The following NDUFS1 variants were observed in gnomAD, a reference collection of about 807,000 sequenced individuals.
The protein encoded by NDUFS1 is NADH:ubiquinone oxidoreductase core subunit S1.
NDUFS1 carries 61 observed loss-of-function variants against 84.4 expected under a neutral mutation model. The observed-to-expected ratio is 0.72, with a 90% CI of 0.59 to 0.89. NDUFS1 has a LOEUF of 0.89. NDUFS1 is among the 40% of genes least tolerant of loss of function. The probability of loss-of-function intolerance (pLI) is 0.00; values close to 1 mark genes in which losing one functional copy is unlikely to be tolerated. For synonymous variants in NDUFS1, 275 were observed against 290.0 expected (o/e 0.95, Z 0.53); for missense variants, 891 against 890.0 (o/e 1.00, Z -0.01).
At chr2:206,143,686 T>C (rs909858480) in intron 10 of NDUFS1, among the ~76,000 whole-genome samples, 7 of 152,078 alleles carry the variant, frequency 4.6e-5, no homozygotes, top group African/African-American at 1.4e-4. Flanking sequence ...CATCTTGATA[T>C]GCCTGTCCTA....
intron 3 of NDUFS1, among the ~76,000 whole-genome samples, chr2:206,151,721 T>C (rs748166754): frequency 5.3e-5 from 8 of 152,252 alleles, no homozygotes; most frequent in Non-Finnish European, 1.2e-4. Context: ...ACCCTCCATT[T>C]ACCTGCTTTG....
intron 13 of NDUFS1, among the ~76,000 whole-genome samples, chr2:206,137,861 A>G (rs1691780637): frequency 6.6e-6 from 1 of 152,218 alleles, no homozygotes; most frequent in Non-Finnish European, 1.5e-5. Flanking sequence ...TAAAAGTGCA[A>G]TTCTTTCAGG....
At chr2:206,138,435 T>A in intron 13 of NDUFS1, 50 bp downstream of exon 13, 1 of 1,578,060 alleles carries the variant, frequency 6.3e-7, no homozygotes, top group Non-Finnish European at 8.7e-7. Context: ...TAAGTTTAAA[T>A]AATAATAATT....
chr2:206,140,747 G>A (rs530994166), intron 12 of NDUFS1, among the ~76,000 whole-genome samples: 1 of 152,032 alleles, frequency 6.6e-6, no homozygotes, highest in Non-Finnish European at 1.5e-5. Context: ...CCAAAGTACT[G>A]GGACTACAAG....
chr2:206,116,241 G>A lies in NDUFS1; in HGVS notation c.*7944C>T, dbSNP rs1344243420. The A allele has an allele frequency of 4.2e-6, 5 of 1,195,648 alleles. No individual in the cohort carries two copies. Among genetic ancestry groups the A allele is most frequent in the Middle Eastern group, 2.0e-4 (1 of 5,116 alleles). The allele number at this position is 1,195,648 out of a possible 1,614,324, so 74.1% of individuals were successfully genotyped here. ...TAACGAGATTTGTTTACAAGTCCTG[G>A]ATTTTCTGCAAGAGCTTCATTAATT... On this transcript the variant is annotated 3_prime_UTR_variant, in exon 19 of 19. Coordinates refer to ENST00000233190, the MANE Select transcript of NDUFS1 (RefSeq NM_005006.7).
Position 206,133,093 on chromosome 2 carries a change from C to T in NDUFS1, c.1405G>A (p.Ala469Thr). 2 of 1,610,288 alleles carry T rather than the reference C, an allele frequency of 1.2e-6. No individual in the cohort carries two copies. The highest frequency in any genetic ancestry group is 1.7e-6 in the Non-Finnish European group (2 of 1,177,802). The change falls in exon 14 of 19, where the codon GCT (alanine) becomes ACT (threonine). Residue 469 changes from alanine (A) to threonine (T), a missense_variant. Physicochemically the swap from Ala to Thr is moderately conservative, Grantham distance 58. Transcript: ENST00000233190. ...SHPFSQVLKE[A>T]KKPMVVLGSS... ...CCTAAAACCACCATTGGTTTTTTAG[C>T]TTCCTTTAGGACCTATTTAAAAAAA...
rs1199714811 is a variant in NDUFS1, at chr2:206,147,552, A to G, written c.530T>C (p.Ile177Thr). 1.9e-6 allele frequency: 3 copies of G among 1,614,182 alleles called. No homozygotes were observed. Among genetic ancestry groups the G allele is most frequent in the Middle Eastern group, 1.6e-4 (1 of 6,062 alleles). Residue 177 changes from isoleucine to threonine, a missense_variant, in exon 7 of 19, where the codon ATA becomes ACA. Ile to Thr is a moderately conservative substitution (Grantham distance 89). Transcript: ENST00000233190. ...PLVKTIMTRC[I>T]QCTRCIRFAS... ...TTACCTGATGCAGCGAGTACACTGTATACATCTTGTCATGATGGTCTTTAC... is the reference window on the plus strand; with the variant it reads ...TTACCTGATGCAGCGAGTACACTGTGTACATCTTGTCATGATGGTCTTTAC...
At chr2:206,151,666 G>A (rs1195581636) in intron 3 of NDUFS1, among the ~76,000 whole-genome samples, 1 of 152,086 alleles carries the variant, frequency 6.6e-6, no homozygotes, top group Non-Finnish European at 1.5e-5. Context: ...ATTATTTCTG[G>A]AGGAATATGA....
rs4147721 is a variant in NDUFS1 at position 206,132,695 on chromosome 2, G to A, written c.1553+250C>T. On this transcript the variant is annotated intron_variant, in intron 14 of 18. Coordinates refer to ENST00000233190, the MANE Select transcript of NDUFS1 (RefSeq NM_005006.7). ...CTTGTTGCAATTTTTGAACCAAGGTGTAACTAATATAACAATTTTTATAGT... is the reference window on the plus strand; with the variant it reads ...CTTGTTGCAATTTTTGAACCAAGGTATAACTAATATAACAATTTTTATAGT... Among the ~76,000 whole-genome samples the A allele has an allele frequency of 0.55, 83,735 of 152,036 alleles. 24,448 individuals are homozygous for A. Among genetic ancestry groups the A allele is most frequent in the African/African-American group, 0.75 (30,983 of 41,504 alleles).
chr2:206,116,888 C>CAA lies in NDUFS1; in HGVS notation c.*7296_*7297insTT. On this transcript the variant is annotated 3_prime_UTR_variant, in exon 19 of 19. Transcript: ENST00000233190. ...TACAAAAATTAGCTGGGCATGGTGG[C>CAA]GCACACCTGTAATCCTAGCTAGATC... is the stretch of plus-strand genomic sequence containing the variant. The CAA allele has an allele frequency of 1.2e-5, 2 of 162,466 alleles. No individual in the cohort carries two copies. The highest frequency in any genetic ancestry group is 1.3e-5 in the Non-Finnish European group (1 of 74,420). 10.1% of individuals were successfully genotyped at this position (162,466 alleles called of 1,614,324 possible). A position where few individuals can be genotyped will look rare whatever the true frequency, so the allele number is the denominator to read the frequency against.
At position 206,116,671 on chromosome 2, in the gene NDUFS1, G is replaced by A. The variant is rs1224521131; in HGVS notation, c.*7514C>T. On this transcript the variant is annotated 3_prime_UTR_variant, in exon 19 of 19. Transcript: ENST00000233190. ...GAGGTCAAGGTGGGAGGAGCGCCTGGGCCCAGGGGTTCAAGACGAGCCTGG... is the reference window on the plus strand; with the variant it reads ...GAGGTCAAGGTGGGAGGAGCGCCTGAGCCCAGGGGTTCAAGACGAGCCTGG... 4 of 401,436 alleles carry A rather than the reference G, an allele frequency of 1.0e-5. No individual in the cohort carries two copies. The highest frequency in any genetic ancestry group is 8.2e-5 in the African/African-American group (4 of 48,588). The allele number at this position is 401,436 out of a possible 1,614,324, so 24.9% of individuals were successfully genotyped here. A position where few individuals can be genotyped will look rare whatever the true frequency, so the allele number is the denominator to read the frequency against.
intron 12 of NDUFS1, among the ~76,000 whole-genome samples, chr2:206,139,401 G>C (rs914603601): frequency 6.6e-6 from 1 of 151,980 alleles, no homozygotes; most frequent in African/African-American, 2.4e-5. Context: ...TGGCCAGACT[G>C]GTCTTGAACT....
intron 12 of NDUFS1, among the ~76,000 whole-genome samples, chr2:206,139,610 T>C (rs1168888617): frequency 6.6e-6 from 1 of 152,182 alleles, no homozygotes; most frequent in African/African-American, 2.4e-5. Flanking sequence ...CATGAAAATA[T>C]ACCATGTTAT....
At chr2:206,130,849 AAAGT>A (rs879595138) in intron 14 of NDUFS1, among the ~76,000 whole-genome samples, 22 of 152,254 alleles carry the variant, frequency 1.4e-4, no homozygotes, top group African/African-American at 2.7e-4. Flanking sequence ...CTTATTCAAT[AAAGT>A]AAGACATAAA....
intron 4 of NDUFS1, 41 bp from the exon 5 acceptor site, chr2:206,149,137 A>G (rs1260901729): frequency 3.5e-6 from 5 of 1,448,238 alleles, no homozygotes; most frequent in Non-Finnish European, 4.8e-6. Context: ...ATTTGTATTT[A>G]TTTGTGATTA....
intron 1 of NDUFS1, among the ~76,000 whole-genome samples, chr2:206,158,000 G>A (rs1184272777): frequency 7.4e-6 from 1 of 134,408 alleles, no homozygotes; most frequent in Non-Finnish European, 1.5e-5. Flanking sequence ...GTCTCGCTCT[G>A]TCGCCCAGGC....
chr2:206,129,196 C>T (rs937347374), intron 15 of NDUFS1, among the ~76,000 whole-genome samples: 2 of 152,000 alleles, frequency 1.3e-5, no homozygotes, highest in Non-Finnish European at 2.9e-5. Context: ...TTATGAAGTA[C>T]GCATATCAAA....
intron 12 of NDUFS1, among the ~76,000 whole-genome samples, chr2:206,141,277 G>T (rs949925385): frequency 6.6e-6 from 1 of 152,048 alleles, no homozygotes; most frequent in South Asian, 2.1e-4. Flanking sequence ...GGGCGCGGTG[G>T]CTCACACCTG....
At chr2:206,150,023 T>TTCTCTCTATCTATCTA in intron 3 of NDUFS1, 98 bp from the exon 4 acceptor site, 1 of 691,184 alleles carries the variant, frequency 1.4e-6, no homozygotes, top group Non-Finnish European at 2.5e-6. Context: ...ATCTTATTAC[T>TTCTCTCTATCTATCTA]TCTATCTATC....
Sources: allele counts gnomAD v4.1 joint callset (sites outside exome capture counted in the v4.1 genomes callset), GRCh38; gene constraint gnomAD v4.1.1; transcripts MANE v1.5; gene names NCBI Gene and HGNC (gene_info 2026-07-23, HGNC 2026-07-21).